Variants in IBTK observed in about 807,000 individuals in gnomAD.
The protein encoded by IBTK is BTK-binding protein.
A neutral mutation model predicts 154.9 loss-of-function variants in IBTK; 83 were observed. That is an observed-to-expected ratio of 0.54 (90% CI 0.45 to 0.64). IBTK has a LOEUF of 0.64. IBTK is among the 30% of genes least tolerant of loss of function. The pLI is 0.00. For missense variants in IBTK, 1,332 were observed against 1,584.6 expected, an observed-to-expected ratio of 0.84 and a Z score of 2.71; for synonymous variants, 515 against 536.1, an observed-to-expected ratio of 0.96 and a Z score of 0.54.
intron 1 of IBTK, among the ~76,000 whole-genome samples, chr6:82,245,394 CA>C (rs879325393): frequency 3.1e-4 from 46 of 150,258 alleles, no homozygotes; most frequent in African/African-American, 1.1e-3. Context: ...GCCATCGCTA[CA>C]AAAAAAAATA....
chr6:82,209,035 C>T (rs1158545869), intron 16 of IBTK, among the ~76,000 whole-genome samples: 1 of 152,104 alleles, frequency 6.6e-6, no homozygotes, highest in African/African-American at 2.4e-5. Context: ...CACAATGTTG[C>T]ATAACTTCAC....
intron 25 of IBTK, among the ~76,000 whole-genome samples, chr6:82,185,633 G>C (rs914017658): frequency 6.6e-6 from 1 of 150,384 alleles, no homozygotes; most frequent in African/African-American, 2.5e-5. Context: ...TATATTACAA[G>C]TATTTACATT....
intron 24 of IBTK, chr6:82,191,534 C>G: frequency 1.7e-6 from 1 of 580,826 alleles, no homozygotes; most frequent in Non-Finnish European, 3.0e-6. Context: ...AGCCAATAGT[C>G]CACAATGATC....
At chr6:82,228,575 A>T (rs1770377972) in intron 4 of IBTK, among the ~76,000 whole-genome samples, 1 of 152,116 alleles carries the variant, frequency 6.6e-6, no homozygotes, top group Non-Finnish European at 1.5e-5. Context: ...ACTAAACAAC[A>T]GTTGCAATAC....
chr6:82,174,988 TCTC>T (rs1271529237), intron 26 of IBTK: 1 of 456,024 alleles, frequency 2.2e-6, no homozygotes, highest in Admixed American at 2.3e-5. Flanking sequence ...TCACCTTCTC[TCTC>T]CTCCTACAAA....
At chr6:82,220,546 T>A (rs1190513080) in intron 9 of IBTK, 44 bp downstream of exon 9, 1 of 1,554,236 alleles carries the variant, frequency 6.4e-7, no homozygotes, top group South Asian at 1.2e-5. Flanking sequence ...GCTACAGCTA[T>A]CAACTGAGAG....
intron 19 of IBTK, among the ~76,000 whole-genome samples, chr6:82,201,079 C>T (rs1361584294): frequency 6.6e-6 from 1 of 151,950 alleles, no homozygotes; most frequent in African/African-American, 2.4e-5. Flanking sequence ...GAAAAAGCTC[C>T]ACTTTATTAT....
At chr6:82,195,650 T>C (rs1320432173) in intron 22 of IBTK, among the ~76,000 whole-genome samples, 5 of 152,164 alleles carry the variant, frequency 3.3e-5, no homozygotes. Context: ...TTCTGTTGTC[T>C]TATGAATTCC....
chr6:82,191,510 T>A, intron 24 of IBTK: 1 of 569,480 alleles, frequency 1.8e-6, no homozygotes, highest in South Asian at 2.1e-5. Context: ...AAGCCTTAAC[T>A]CTTTGGCTTT....
chr6:82,206,850 A>G (rs1769433365), intron 16 of IBTK, among the ~76,000 whole-genome samples: 1 of 152,210 alleles, frequency 6.6e-6, no homozygotes, highest in African/African-American at 2.4e-5. Flanking sequence ...GGCCATCTTA[A>G]GAAACAGAAA....
intron 2 of IBTK, among the ~76,000 whole-genome samples, chr6:82,237,795 T>A (rs567827184): frequency 6.6e-6 from 1 of 151,854 alleles, no homozygotes; most frequent in South Asian, 2.1e-4. Flanking sequence ...TGTTACTACA[T>A]AAAAGCCACT....
chr6:82,232,596 C>T (rs1321305248), intron 3 of IBTK, among the ~76,000 whole-genome samples: 3 of 152,222 alleles, frequency 2.0e-5, no homozygotes, highest in Non-Finnish European at 2.9e-5. Context: ...ACTCAGCTTG[C>T]TTACTAGTTA....
At chr6:82,197,023 G>C (rs1026728057) in intron 21 of IBTK, among the ~76,000 whole-genome samples, 2 of 152,118 alleles carry the variant, frequency 1.3e-5, no homozygotes, top group African/African-American at 4.8e-5. Flanking sequence ...GAAGCAAGAG[G>C]GTTGTTGTGA....
At chr6:82,184,090 T>G (rs1222420305) in intron 25 of IBTK, among the ~76,000 whole-genome samples, 1 of 152,222 alleles carries the variant, frequency 6.6e-6, no homozygotes, top group African/African-American at 2.4e-5. Context: ...GATACTGGCA[T>G]AAGGATTGAC....
At position 82,200,328 on chromosome 6, in the gene IBTK, T is replaced by C. The variant is rs185805600; in HGVS notation, c.2913-75A>G. The C allele has an allele frequency of 8.7e-5, 89 of 1,018,594 alleles. No individual in the cohort carries two copies. The East Asian group carries it at 1.9e-3, about 22-fold the overall frequency. The allele number at this position is 1,018,594 out of a possible 1,614,324, so 63.1% of individuals were successfully genotyped here. A position where few individuals can be genotyped will look rare whatever the true frequency, so the allele number is the denominator to read the frequency against. On this transcript the variant is annotated intron_variant, in intron 20 of 28. Coordinates refer to ENST00000306270, the MANE Select transcript of IBTK (RefSeq NM_015525.4). ...ATAAATGCACTTATTTAACCCAACA[T>C]GTTTAACCTGAAGGCTACTTTTTAA...
At position 82,201,354 on chromosome 6, in the gene IBTK, G is replaced by A. The variant is rs1582209788; in HGVS notation, c.2790+68C>T. ...CATTAGGAAACTATTCCATTAATAA[G>A]TCTGATCTAATATACTGCTTAAGCT... On this transcript the variant is annotated intron_variant, in intron 19 of 28. Transcript: ENST00000306270. The A allele has an allele frequency of 1.1e-5, 12 of 1,080,338 alleles. No individual in the cohort carries two copies. In the East Asian group the frequency reaches 3.1e-4, roughly 28 times the overall value. The allele number at this position is 1,080,338 out of a possible 1,614,324, so 66.9% of individuals were successfully genotyped here. A position where few individuals can be genotyped will look rare whatever the true frequency, so the allele number is the denominator to read the frequency against.
At chr6:82,226,961 C>T (rs1770320877) in intron 5 of IBTK, among the ~76,000 whole-genome samples, 1 of 152,156 alleles carries the variant, frequency 6.6e-6, no homozygotes, top group African/African-American at 2.4e-5. Context: ...ATGTAACGCT[C>T]CTGACTCAGT....
chr6:82,214,896 C>T, intron 11 of IBTK, 67 bp from the exon 12 acceptor site: 2 of 1,463,532 alleles, frequency 1.4e-6, no homozygotes, highest in Non-Finnish European at 1.8e-6. Flanking sequence ...CATACCTAGC[C>T]AATTCTCCTT....
At chr6:82,186,152 C>A (rs1768547994) in intron 25 of IBTK, among the ~76,000 whole-genome samples, 1 of 152,134 alleles carries the variant, frequency 6.6e-6, no homozygotes, top group Non-Finnish European at 1.5e-5. Flanking sequence ...GACTGTTACA[C>A]CAATTGGCAG....
Sources: gnomAD v4.1 joint callset for allele counts (sites outside exome capture counted in the v4.1 genomes callset) on GRCh38, gnomAD v4.1.1 for gene constraint, MANE v1.5 for transcripts, NCBI Gene and HGNC (gene_info 2026-07-23, HGNC 2026-07-21) for gene names.